Variants in RYR3 observed in about 807,000 individuals in gnomAD.
RYR3 encodes brain ryanodine receptor-calcium release channel.
In RYR3, 207 loss-of-function variants were observed where a neutral mutation model predicts 584.3. The observed-to-expected ratio is 0.35, with a 90% CI of 0.32 to 0.40. The LOEUF (loss-of-function observed/expected upper bound fraction) is 0.40. Among genes scored for constraint, RYR3 ranks in the 10% least tolerant of loss-of-function variants. The pLI is 1.00. For synonymous variants in RYR3, 2,416 were observed against 2,248.5 expected, an observed-to-expected ratio of 1.07 and a Z score of -2.11; for missense variants, 5,616 against 6,089.2, an observed-to-expected ratio of 0.92 and a Z score of 2.59.
chr15:33,827,859 A>T (rs1460564134), intron 85 of RYR3, among the ~76,000 whole-genome samples: 4 of 152,188 alleles, frequency 2.6e-5, no homozygotes, highest in Non-Finnish European at 5.9e-5. Flanking sequence ...TTTCATCAGT[A>T]AAAGGGGTAG....
In RYR3 at chr15:33,706,988, G is replaced by GTA. The variant is rs2066764066; in HGVS notation, c.6554_6555insAT (p.Gly2186SerfsTer15). The stretch of plus-strand genomic sequence containing the variant: ...GCTTCTGGCCAAAGGATACCCTGAT[G>GTA]TCGGCTGGAACCCCATTGAAGGGGA... On this transcript the variant is annotated frameshift_variant, in exon 43 of 104. Coordinates refer to ENST00000634891, the MANE Select transcript of RYR3 (RefSeq NM_001036.6). LOFTEE classifies it high-confidence loss of function. 1 of 1,613,868 alleles carries GTA rather than the reference G, an allele frequency of 6.2e-7. No individual in the cohort carries two copies. Among genetic ancestry groups the GTA allele is most frequent in the East Asian group, 2.2e-5 (1 of 44,874 alleles).
At chr15:33,805,702 C>T (rs575435376) in intron 69 of RYR3, among the ~76,000 whole-genome samples, 7 of 151,930 alleles carry the variant, frequency 4.6e-5, no homozygotes, top group South Asian at 4.2e-4. Flanking sequence ...TGGTCTCGAT[C>T]TCCTGACGTC....
At position 33,724,071 on chromosome 15, in the gene RYR3, G is replaced by C; in HGVS notation, c.6807G>C (p.Thr2269=). 1 of 1,598,612 alleles carries C rather than the reference G, an allele frequency of 6.3e-7. No individual in the cohort carries two copies. Among genetic ancestry groups the C allele is most frequent in the African/African-American group, 1.3e-5 (1 of 74,772 alleles). ...CCTCTGTTGGTTCTCTCAGCAGCAC[G>C]GGGGACGATGAAGAGGAAGAAGAAA... ...PSQGYKREVS[T]GDDEEEEEIV... Residue 2269 remains threonine, a synonymous_variant, in exon 45 of 104, where the codon ACG becomes ACC. Coordinates refer to ENST00000634891, the MANE Select transcript of RYR3 (RefSeq NM_001036.6).
chr15:33,830,966 T>G lies in RYR3; in HGVS notation c.11338T>G (p.Ser3780Ala). The G allele has an allele frequency of 6.2e-7, 1 of 1,613,102 alleles. No individual in the cohort carries two copies. The highest frequency in any genetic ancestry group is 8.5e-7 in the Non-Finnish European group (1 of 1,179,606). The stretch of plus-strand genomic sequence containing the variant: ...AGCTCTACTCATTTGTTTTTAGGAA[T>G]CAATCAGTGATTTCTACTGGTATTA... ...TVDYLLRLQE[S>A]ISDFYWYYSG... Residue 3780 changes from serine (S) to alanine (A), a missense_variant, in exon 86 of 104, where the codon TCA (serine) becomes GCA (alanine). Coordinates refer to ENST00000634891, the MANE Select transcript of RYR3 (RefSeq NM_001036.6).
At chr15:33,450,412 C>T (rs972699674) in intron 1 of RYR3, among the ~76,000 whole-genome samples, 3 of 152,128 alleles carry the variant, frequency 2.0e-5, no homozygotes, top group African/African-American at 7.2e-5. Flanking sequence ...CACCCTGTAG[C>T]TTTGCAAGCA....
At chr15:33,857,739 A>C (rs749939356) in intron 98 of RYR3, 41 bp from the exon 99 acceptor site, 2 of 1,611,674 alleles carry the variant, frequency 1.2e-6, no homozygotes, top group African/African-American at 2.7e-5. Context: ...AAGGTAGAGA[A>C]GACCCCACTC....
chr15:33,383,848 A>C (rs1013208952), intron 1 of RYR3, among the ~76,000 whole-genome samples: 17 of 152,196 alleles, frequency 1.1e-4, no homozygotes, highest in Non-Finnish European at 2.2e-4. Context: ...TTGTAAACCC[A>C]TGGAGTCAAC....
chr15:33,656,235 T>A (rs748665622), intron 32 of RYR3, among the ~76,000 whole-genome samples: 1 of 152,192 alleles, frequency 6.6e-6, no homozygotes, highest in Non-Finnish European at 1.5e-5. Context: ...GATCAGCCAG[T>A]GATGAAAGGT....
At chr15:33,325,828 G>T (rs930564833) in intron 1 of RYR3, among the ~76,000 whole-genome samples, 3 of 149,298 alleles carry the variant, frequency 2.0e-5, no homozygotes, top group Non-Finnish European at 4.4e-5. Flanking sequence ...TTGAGACAGG[G>T]TCTCACTCTG....
At chr15:33,817,295 G>T (rs570673439) in intron 75 of RYR3, among the ~76,000 whole-genome samples, 1 of 152,116 alleles carries the variant, frequency 6.6e-6, no homozygotes, top group African/African-American at 2.4e-5. Flanking sequence ...AAAGCCCCAC[G>T]TTCCTACTCT....
Position 33,635,730 on chromosome 15 carries a change from G to T in RYR3, c.3292G>T (p.Asp1098Tyr), listed in dbSNP as rs1382228973. The T allele has an allele frequency of 1.2e-6, 2 of 1,613,958 alleles. No homozygotes were observed. The highest frequency in any genetic ancestry group is 1.7e-5 in the Admixed American group (1 of 60,030). Residue 1098 changes from aspartate (D) to tyrosine (Y), a missense_variant, in exon 26 of 104, where the codon GAC becomes TAC. Asp to Tyr is a radical substitution (Grantham distance 160). Around this residue, in one of 9 missense-constraint regions of RYR3, gnomAD observed 152 missense variants for 200.9 expected, o/e 0.76. Transcript: ENST00000634891. ...TGAGTTTGAAGTGGTGACTGGAGGA[G>T]ACATGCGAGTCGGCTGGGCGAGGCC... Reference protein sequence around the residue: ...YFEFEVVTGGDMRVGWARPGC... With the variant: ...YFEFEVVTGGYMRVGWARPGC...
intron 60 of RYR3, among the ~76,000 whole-genome samples, chr15:33,758,685 C>T (rs2072119320): frequency 6.6e-6 from 1 of 152,210 alleles, no homozygotes; most frequent in East Asian, 1.9e-4. Context: ...TGGGACAGAG[C>T]ACCTGGGGGA....
rs535008853 is a variant in RYR3, at chr15:33,639,413, T to C, written c.3556+2863T>C. 5.9e-5 allele frequency among the ~76,000 whole-genome samples: 9 copies of C among 152,344 alleles called. 1 individual carries two copies. Among genetic ancestry groups the C allele is most frequent in the African/African-American group, 2.2e-4 (9 of 41,574 alleles). ...AGGAAGTCGACATGCCATTCTTTGA[T>C]AACAGTAGCCCCAAGGCCTGGAATA... On this transcript the variant is annotated intron_variant, in intron 27 of 103. Transcript: ENST00000634891.
intron 18 of RYR3, among the ~76,000 whole-genome samples, chr15:33,610,109 A>G (rs1288247463): frequency 6.6e-6 from 1 of 152,166 alleles, no homozygotes; most frequent in Non-Finnish European, 1.5e-5. Context: ...CTTGCTGTGC[A>G]GGTGGTCCAA....
chr15:33,398,576 A>G (rs1345579249), intron 1 of RYR3, among the ~76,000 whole-genome samples: 1 of 152,242 alleles, frequency 6.6e-6, no homozygotes, highest in Non-Finnish European at 1.5e-5. Context: ...GTGTAAAACA[A>G]GAAATTTCTC....
At chr15:33,639,602 C>T (rs1028826223) in intron 27 of RYR3, among the ~76,000 whole-genome samples, 1 of 152,212 alleles carries the variant, frequency 6.6e-6, no homozygotes, top group Non-Finnish European at 1.5e-5. Flanking sequence ...TTGTGTTCTT[C>T]TGGTCACCAG....
chr15:33,566,882 G>A (rs1033774585), intron 12 of RYR3, 83 bp downstream of exon 12: 5 of 1,445,528 alleles, frequency 3.5e-6, no homozygotes, highest in Admixed American at 3.5e-5. Context: ...TTTTGATACT[G>A]TGAATGTTTT....
chr15:33,440,523 C>G (rs1468871970), intron 1 of RYR3, among the ~76,000 whole-genome samples: 1 of 152,176 alleles, frequency 6.6e-6, no homozygotes, highest in Non-Finnish European at 1.5e-5. Flanking sequence ...CTATTGGCAT[C>G]TAGTGGGTTG....
chr15:33,738,121 C>G lies in RYR3; in HGVS notation c.7516-329C>G, dbSNP rs1200628517. On this transcript the variant is annotated intron_variant, in intron 49 of 103. Coordinates refer to ENST00000634891, the MANE Select transcript of RYR3 (RefSeq NM_001036.6). ...TATTTCCACCCCTGACTGGCTAGAA[C>G]AGCTCACAGTGGCTACTTTCAGAAG... Among the ~76,000 whole-genome samples, 5 of 152,312 alleles carry G rather than the reference C, an allele frequency of 3.3e-5. No homozygotes were observed. In the East Asian group the frequency reaches 9.6e-4, roughly 29 times the overall value.
Sources: gnomAD v4.1 joint callset for allele counts (sites outside exome capture counted in the v4.1 genomes callset) on GRCh38, gnomAD v4.1.1 for gene constraint, gnomAD v4.1.1 regional missense constraint, MANE v1.5 for transcripts, NCBI Gene and HGNC (gene_info 2026-07-23, HGNC 2026-07-21) for gene names.